PDE1A: variants seen among roughly 807,000 people sequenced by gnomAD.
PDE1A encodes dual specificity calcium/calmodulin-dependent 3',5'-cyclic nucleotide phosphodiesterase 1A.
Under a neutral mutation model 61.7 loss-of-function variants are expected in PDE1A, and 35 were observed. The ratio of observed to expected loss-of-function variants is 0.57; its 90% CI spans 0.43 to 0.75. The LOEUF (loss-of-function observed/expected upper bound fraction) is 0.75. Ranked by LOEUF, PDE1A falls within the 30% of genes least tolerant of loss-of-function variation. The pLI is 0.00. For synonymous variants in PDE1A, 232 were observed against 213.2 expected, an observed-to-expected ratio of 1.09 and a Z score of -0.77; for missense variants, 597 against 630.6, an observed-to-expected ratio of 0.95 and a Z score of 0.57.
chr2:182,390,298 G>A (rs867343793), intron 1 of PDE1A, among the ~76,000 whole-genome samples: 2 of 152,124 alleles, frequency 1.3e-5, no homozygotes, highest in Admixed American at 6.5e-5. Context: ...AAATACTAAG[G>A]ACTCTACTTC....
downstream of PDE1A, among the ~76,000 whole-genome samples, chr2:182,166,437 C>T (rs1691657050): frequency 2.0e-5 from 3 of 152,158 alleles, no homozygotes; most frequent in South Asian, 6.2e-4. Context: ...TTCCCTTGGA[C>T]ATTCAGCTCC....
chr2:182,199,698 G>T (rs1299840504), intron 10 of PDE1A, among the ~76,000 whole-genome samples: 4 of 151,924 alleles, frequency 2.6e-5, no homozygotes, highest in African/African-American at 9.7e-5. Context: ...GAATTTGGTA[G>T]GTTTTTACAT....
intron 2 of PDE1A, among the ~76,000 whole-genome samples, chr2:182,248,701 G>C (rs546722633): frequency 6.6e-6 from 1 of 152,228 alleles, no homozygotes; most frequent in African/African-American, 2.4e-5. Flanking sequence ...GTGGACTCTT[G>C]GAAAATGATT....
chr2:182,249,524 C>T (rs529875715), intron 2 of PDE1A, among the ~76,000 whole-genome samples: 2 of 152,176 alleles, frequency 1.3e-5, no homozygotes, highest in African/African-American at 4.8e-5. Context: ...CTTCACTGGC[C>T]TGGGGCTAAA....
the PDE1A span, among the ~76,000 whole-genome samples, chr2:182,573,599 A>G: frequency 2.0e-5 from 3 of 152,046 alleles, no homozygotes; most frequent in African/African-American, 7.2e-5. Flanking sequence ...TAGGGGACAG[A>G]TGATGATATT....
the PDE1A span, among the ~76,000 whole-genome samples, chr2:182,556,605 CA>C: frequency 1.3e-5 from 2 of 152,078 alleles, no homozygotes; most frequent in Admixed American, 6.5e-5. Context: ...GCAATGAGTC[CA>C]ATGAGCCCTT....
At chr2:182,182,453 G>T (rs1390349380) in intron 13 of PDE1A, among the ~76,000 whole-genome samples, 2 of 152,086 alleles carry the variant, frequency 1.3e-5, no homozygotes, top group Non-Finnish European at 2.9e-5. Flanking sequence ...AAGCTCCCAT[G>T]TGTCTCCTGG....
At chr2:182,220,167 G>T (rs1236388617) in intron 7 of PDE1A, among the ~76,000 whole-genome samples, 1 of 151,780 alleles carries the variant, frequency 6.6e-6, no homozygotes, top group East Asian at 1.9e-4. Flanking sequence ...CTTAGTTAAG[G>T]CCTAAAAAGG....
At chr2:182,458,284 T>TA (rs199674401) in intron 2 of PDE1A, among the ~76,000 whole-genome samples, 48 of 151,958 alleles carry the variant, frequency 3.2e-4, no homozygotes, top group Middle Eastern at 3.4e-3. Context: ...GCATTCATAA[T>TA]AAAAAAACAA....
At chr2:182,609,703 G>A in the PDE1A span, among the ~76,000 whole-genome samples, 4 of 152,326 alleles carry the variant, frequency 2.6e-5, no homozygotes, top group South Asian at 2.1e-4. Flanking sequence ...GAGGGTTCGC[G>A]GCTTCATTCT....
chr2:182,508,535 C>T (rs114586964), intron 2 of PDE1A, among the ~76,000 whole-genome samples: 247 of 151,518 alleles, frequency 1.6e-3, no homozygotes, highest in African/African-American at 5.8e-3. Flanking sequence ...AAGTTCTCTA[C>T]GTGGATATTT....
At chr2:182,162,176 T>C (rs947048442) in intron 13 of PDE1A, among the ~76,000 whole-genome samples, 1 of 152,130 alleles carries the variant, frequency 6.6e-6, no homozygotes, top group African/African-American at 2.4e-5. Flanking sequence ...TTCCAGAACT[T>C]ATAGTGGGAA....
chr2:182,417,265 A>G (rs1414887920), intron 1 of PDE1A, among the ~76,000 whole-genome samples: 1 of 152,118 alleles, frequency 6.6e-6, no homozygotes, highest in Non-Finnish European at 1.5e-5. Context: ...TCAGAATCCT[A>G]TTCACCCTTC....
chr2:182,475,216 A>G (rs940731387), intron 2 of PDE1A, among the ~76,000 whole-genome samples: 2 of 151,944 alleles, frequency 1.3e-5, no homozygotes, highest in African/African-American at 4.8e-5. Context: ...TGTCTTCCAC[A>G]TCAGCACTGT....
chr2:182,337,942 A>G (rs749250071), intron 1 of PDE1A, among the ~76,000 whole-genome samples: 6 of 152,160 alleles, frequency 3.9e-5, no homozygotes, highest in South Asian at 2.1e-4. Context: ...CTGTCATTTG[A>G]TGTTCCAGAG....
chr2:182,498,087 A>C (rs1289242960), intron 2 of PDE1A, among the ~76,000 whole-genome samples: 2 of 145,936 alleles, frequency 1.4e-5, no homozygotes, highest in Non-Finnish European at 1.5e-5. Context: ...AGCACCCACC[A>C]CACTGTTATG....
chr2:182,486,336 G>A (rs1227705443), intron 2 of PDE1A, among the ~76,000 whole-genome samples: 2 of 152,036 alleles, frequency 1.3e-5, no homozygotes, highest in African/African-American at 4.8e-5. Context: ...ATATGTTTAT[G>A]ATGAAGACTT....
chr2:182,554,498 T>C, the PDE1A span, among the ~76,000 whole-genome samples: 1 of 152,188 alleles, frequency 6.6e-6, no homozygotes, highest in Non-Finnish European at 1.5e-5. Flanking sequence ...TCTCCAGGAA[T>C]GAAGTATCTA....
chr2:182,201,738 AC>A lies in PDE1A; in HGVS notation c.953del (p.Gly318ValfsTer9). On this transcript the variant is annotated frameshift_variant, in exon 9 of 14. Transcript: ENST00000351439. LOFTEE classifies it high-confidence loss of function. ...TTATATTTTTAATTTGCTGGAAGTGACCTGACATGTCTGTAGATAAAACCAT... is the reference window on the plus strand; with the variant it reads ...TTATATTTTTAATTTGCTGGAAGTGACTGACATGTCTGTAGATAAAACCAT... The A allele has an allele frequency of 6.2e-7, 1 of 1,612,634 alleles. No individual in the cohort carries two copies. Among genetic ancestry groups the A allele is most frequent in the Non-Finnish European group, 8.5e-7 (1 of 1,179,636 alleles).
Sources: allele counts gnomAD v4.1 joint callset (sites outside exome capture counted in the v4.1 genomes callset), GRCh38; gene constraint gnomAD v4.1.1; transcripts MANE v1.5; gene names NCBI Gene and HGNC (gene_info 2026-07-23, HGNC 2026-07-21).